The following SH2D3C variants were observed in gnomAD, a reference collection of about 807,000 sequenced individuals.
SH2D3C encodes the protein SH2 domain containing 3C.
SH2D3C carries 25 observed loss-of-function variants against 75.2 expected under a neutral mutation model. The observed-to-expected ratio is 0.33, with a 90% confidence interval of 0.24 to 0.46. The LOEUF is 0.46. Among genes scored for constraint, SH2D3C ranks in the 20% least tolerant of loss-of-function variants. The probability of loss-of-function intolerance (pLI) is 1.00; values close to 1 mark genes in which losing one functional copy is unlikely to be tolerated. For synonymous variants in SH2D3C, 450 were observed against 473.7 expected, an observed-to-expected ratio of 0.95 and a Z score of 0.65; for missense variants, 933 against 1,165.3, an observed-to-expected ratio of 0.80 and a Z score of 2.90.
At chr9:127,761,503 G>C (rs750988175) in intron 3 of SH2D3C, 108 bp downstream of exon 3, 1 of 705,096 alleles carries the variant, frequency 1.4e-6, no homozygotes, top group Admixed American at 2.5e-5. Context: ...AATACACAGT[G>C]AGGTCTGGCT....
rs2131728309 is a variant in SH2D3C, at chr9:127,739,097, TA to T, written c.2408-177del. Among the ~76,000 whole-genome samples, 1 of 152,358 alleles carries T rather than the reference TA, an allele frequency of 6.6e-6. No individual in the cohort carries two copies. Among genetic ancestry groups the T allele is most frequent in the South Asian group, 2.1e-4 (1 of 4,828 alleles). ...TCTTTGTCCTGTTATTTGCAGCATA[TA>T]ATTTAAAAATGACTAGACCATAAAA... On this transcript the variant is annotated intron_variant, in intron 11 of 11. Transcript: ENST00000314830. This position sits in a 1 kb window ranked among gnomAD's most constrained non-coding sequence, Gnocchi z 4.3.
chr9:127,771,510 CT>C (rs1345681419), intron 2 of SH2D3C: 3 of 547,736 alleles, frequency 5.5e-6, no homozygotes, highest in Non-Finnish European at 8.5e-6. Flanking sequence ...GCCTCGCCCC[CT>C]AGCACACCCC....
chr9:127,767,095 A>G, intron 2 of SH2D3C: 1 of 1,536,172 alleles, frequency 6.5e-7, no homozygotes, highest in Non-Finnish European at 8.7e-7. Flanking sequence ...TGTGCCCAGC[A>G]CATTCTGCTC....
Position 127,773,985 on chromosome 9 carries a change from C to A in SH2D3C, c.515+5G>T, listed in dbSNP as rs762067095. ...GCAGGTCCCAACCAGCCCCTGGGCA[C>A]CTACCTTTCTGAGTGCACGTCCCTG... On this transcript the variant is annotated splice_donor_5th_base_variant and intron_variant, in intron 2 of 11. Coordinates refer to ENST00000314830, the MANE Select transcript of SH2D3C (RefSeq NM_170600.3). 2.5e-6 allele frequency: 4 copies of A among 1,585,556 alleles called. No individual in the cohort carries two copies. The highest frequency in any genetic ancestry group is 3.5e-6 in the Non-Finnish European group (4 of 1,156,506).
rs1435733895 is a variant in SH2D3C, at chr9:127,751,956, C to G, written c.556-656G>C. On this transcript the variant is annotated intron_variant, in intron 3 of 11. Coordinates refer to ENST00000314830, the MANE Select transcript of SH2D3C (RefSeq NM_170600.3). This position sits in a 1 kb window ranked among gnomAD's most constrained non-coding sequence, Gnocchi z 4.1. ...GGACACGGGGACCCCAAACAGACAT[C>G]TGCATTGCCCCTTACAATTTCCAAG... Among the ~76,000 whole-genome samples, 1 of 152,200 alleles carries G rather than the reference C, an allele frequency of 6.6e-6. No homozygotes were observed. The highest frequency in any genetic ancestry group is 1.5e-5 in the Non-Finnish European group (1 of 68,050).
In SH2D3C at chr9:127,738,972, A is replaced by G; in HGVS notation, c.2408-51T>C. On this transcript the variant is annotated intron_variant, in intron 11 of 11. Transcript: ENST00000314830. The surrounding 1 kb of genome is among the most constrained non-coding windows in gnomAD (Gnocchi z 5.0). The stretch of plus-strand genomic sequence containing the variant: ...GGCAGAGGCTGGGGTTCCTGTCCAG[A>G]GCCCTAGCATTCTTCAGGACCCCCC... 1 of 1,461,960 alleles carries G rather than the reference A, an allele frequency of 6.8e-7. No individual in the cohort carries two copies. Among genetic ancestry groups the G allele is most frequent in the Non-Finnish European group, 9.1e-7 (1 of 1,099,430 alleles). The allele number at this position is 1,461,960 out of a possible 1,614,324, so 90.6% of individuals were successfully genotyped here. A position where few individuals can be genotyped will look rare whatever the true frequency, so the allele number is the denominator to read the frequency against.
At chr9:127,756,400 G>A (rs1198462833) in intron 3 of SH2D3C, among the ~76,000 whole-genome samples, 1 of 152,214 alleles carries the variant, frequency 6.6e-6, no homozygotes, top group Non-Finnish European at 1.5e-5. Flanking sequence ...TCAGGCCTCA[G>A]GTCCAAATCC....
At chr9:127,763,456 G>A (rs945406159) in intron 2 of SH2D3C, among the ~76,000 whole-genome samples, 1 of 152,132 alleles carries the variant, frequency 6.6e-6, no homozygotes, top group Non-Finnish European at 1.5e-5. Context: ...GGCAGTGAAC[G>A]CCTGTAATCC....
chr9:127,754,971 T>A lies in SH2D3C; in HGVS notation c.556-3671A>T. On this transcript the variant is annotated intron_variant, in intron 3 of 11. Coordinates refer to ENST00000314830, the MANE Select transcript of SH2D3C (RefSeq NM_170600.3). This position sits in a 1 kb window ranked among gnomAD's most constrained non-coding sequence, Gnocchi z 4.4. ...GGCCGGGCCCAGCCCAGCCCGACCC[T>A]GCCGGGCGCCGCTGAGCTGCAGCTC... 1 of 524,780 alleles carries A rather than the reference T, an allele frequency of 1.9e-6. No individual in the cohort carries two copies. Among genetic ancestry groups the A allele is most frequent in the Non-Finnish European group, 2.9e-6 (1 of 343,096 alleles). The allele number at this position is 524,780 out of a possible 1,614,324, so 32.5% of individuals were successfully genotyped here. A position where few individuals can be genotyped will look rare whatever the true frequency, so the allele number is the denominator to read the frequency against.
rs1844775388 is a variant in SH2D3C at position 127,739,248 on chromosome 9, A to G, written c.2408-327T>C. On this transcript the variant is annotated intron_variant, in intron 11 of 11. Transcript: ENST00000314830. The surrounding 1 kb of genome is among the most constrained non-coding windows in gnomAD (Gnocchi z 4.3). ...TTTTAGGCTGGGTGCGGTGGCTCAC[A>G]CCTGTAATCCCAGCACTTTGGGAGG... 1.3e-5 allele frequency among the ~76,000 whole-genome samples: 2 copies of G among 151,992 alleles called. No homozygotes were observed. Among genetic ancestry groups the G allele is most frequent in the South Asian group, 4.1e-4 (2 of 4,820 alleles).
At position 127,772,556 on chromosome 9, in the gene SH2D3C, G is replaced by A. The variant is rs566376058; in HGVS notation, c.515+1434C>T. ...ATTACAGGCGTGAGCCACTGCGCCC[G>A]GCCAGCTGACTTTTTTTCTTTATTT... On this transcript the variant is annotated intron_variant, in intron 2 of 11. Coordinates refer to ENST00000314830, the MANE Select transcript of SH2D3C (RefSeq NM_170600.3). Among the ~76,000 whole-genome samples, 9 of 151,638 alleles carry A rather than the reference G, an allele frequency of 5.9e-5. No individual in the cohort carries two copies. In the South Asian group the frequency reaches 1.9e-3, roughly 32 times the overall value.
intron 1 of SH2D3C, among the ~76,000 whole-genome samples, chr9:127,775,888 G>A (rs889270295): frequency 2.6e-5 from 4 of 151,622 alleles, no homozygotes; most frequent in Non-Finnish European, 5.9e-5. Flanking sequence ...GAGTGCAGTG[G>A]TGCAATCCTG....
intron 2 of SH2D3C, among the ~76,000 whole-genome samples, chr9:127,766,359 G>A (rs1405360483): frequency 6.6e-6 from 1 of 152,188 alleles, no homozygotes; most frequent in Admixed American, 6.5e-5. Context: ...TTCCCTCTCT[G>A]AAGCTCAACT....
At chr9:127,744,451 G>T in intron 7 of SH2D3C, 113 bp downstream of exon 7, 2 of 1,314,960 alleles carry the variant, frequency 1.5e-6, no homozygotes, top group Non-Finnish European at 2.1e-6. Flanking sequence ...CAGCCATGGA[G>T]CTAGAATCCA....
chr9:127,753,102 G>A (rs953027222), intron 3 of SH2D3C, among the ~76,000 whole-genome samples: 2 of 152,136 alleles, frequency 1.3e-5, no homozygotes, highest in Non-Finnish European at 2.9e-5. Context: ...GGCAGGGGCA[G>A]GTGTGGCACG....
intron 7 of SH2D3C, 55 bp from the exon 8 acceptor site, chr9:127,743,019 T>G (rs957890601): frequency 7.2e-7 from 1 of 1,382,878 alleles, no homozygotes; most frequent in Non-Finnish European, 1.0e-6. Context: ...GCCCCAGCCA[T>G]CTGGGAGTCA....
chr9:127,742,088 A>T (rs1844876962), intron 8 of SH2D3C, 129 bp from the exon 9 acceptor site: 5 of 868,456 alleles, frequency 5.8e-6, no homozygotes, highest in Non-Finnish European at 8.6e-6. Flanking sequence ...TGTAAGGGTC[A>T]ATGGGATAAG....
rs1376529549 is a variant in SH2D3C at position 127,755,995 on chromosome 9, C to T, written c.556-4695G>A. ...AGTGCACGCTATTATTTTCAAGCTT[C>T]CTGTCTTAGAAACTGGACTTTTTGG... On this transcript the variant is annotated intron_variant, in intron 3 of 11. Transcript: ENST00000314830. 2.0e-5 allele frequency among the ~76,000 whole-genome samples: 3 copies of T among 152,216 alleles called. No homozygotes were observed. In the East Asian group the frequency reaches 5.8e-4, roughly 29 times the overall value.
Position 127,744,861 on chromosome 9 carries a change from G to T in SH2D3C, c.1503C>A (p.Pro501=). The change falls in exon 7 of 12, where the codon CCC becomes CCA. Residue 501 remains proline, a synonymous_variant. Transcript: ENST00000314830. ...CTGCCCACTCTCGGCTGCCACGCAC[G>T]GGAGGCTGGAGCTGGCAGTAGTGGC... ...DSGHYCQLQP[P]VRGSREWAAT... is the part of the protein sequence containing the mutation. 6.2e-7 allele frequency: 1 copy of T among 1,614,088 alleles called. No homozygotes were observed. Among genetic ancestry groups the T allele is most frequent in the Non-Finnish European group, 8.5e-7 (1 of 1,179,990 alleles).
Sources: gnomAD v4.1 joint callset for allele counts (sites outside exome capture counted in the v4.1 genomes callset) on GRCh38, gnomAD v4.1.1 for gene constraint, Gnocchi (gnomAD v3.1) non-coding constraint, MANE v1.5 for transcripts, NCBI Gene and HGNC (gene_info 2026-07-23, HGNC 2026-07-21) for gene names.